TMEM266: variants seen among roughly 807,000 people sequenced by gnomAD.
TMEM266 encodes Hv1 related protein 1.
A neutral mutation model predicts 50.5 loss-of-function variants in TMEM266; 33 were observed. The ratio of observed to expected loss-of-function variants is 0.65; its 90% CI spans 0.50 to 0.87. TMEM266 has a LOEUF of 0.87. Among genes scored for constraint, TMEM266 ranks in the 40% least tolerant of loss-of-function variants. The probability of loss-of-function intolerance (pLI) is 0.00; values close to 1 mark genes in which losing one functional copy is unlikely to be tolerated. For synonymous variants in TMEM266, 310 were observed against 292.3 expected (o/e 1.06, Z -0.62); for missense variants, 655 against 695.1 (o/e 0.94, Z 0.65).
Position 76,204,615 on chromosome 15 carries a change from G to C in TMEM266, c.*300G>C, listed in dbSNP as rs941882501. 4.1e-6 allele frequency: 1 copy of C among 245,072 alleles called. No individual in the cohort carries two copies. Among genetic ancestry groups the C allele is most frequent in the African/African-American group, 2.2e-5 (1 of 44,810 alleles). The allele number at this position is 245,072 out of a possible 1,614,324, so 15.2% of individuals were successfully genotyped here. On this transcript the variant is annotated 3_prime_UTR_variant, in exon 11 of 11. Transcript: ENST00000388942. The stretch of plus-strand genomic sequence containing the variant: ...CCCAGCTTCAGCAGGGTAGAGTGTG[G>C]GGGGGCCAGCTCAGCCTCTTGCGTT...
At chr15:76,106,339 C>T (rs892746299) in intron 1 of TMEM266, among the ~76,000 whole-genome samples, 13 of 152,154 alleles carry the variant, frequency 8.5e-5, no homozygotes, top group African/African-American at 2.9e-4. Context: ...TGATTTCCCC[C>T]ATCCTTTCTA....
intron 1 of TMEM266, among the ~76,000 whole-genome samples, chr15:76,132,960 C>T (rs941350928): frequency 6.6e-6 from 1 of 150,772 alleles, no homozygotes; most frequent in African/African-American, 2.4e-5. Context: ...CATAGCAAAA[C>T]CCCGACTCTA....
intron 10 of TMEM266, 69 bp from the exon 11 acceptor site, chr15:76,203,672 C>T: frequency 6.8e-7 from 1 of 1,477,112 alleles, no homozygotes; most frequent in Non-Finnish European, 9.3e-7. Context: ...CGGCTCAGAC[C>T]TGCTCTCTTC....
chr15:76,102,974 A>G (rs1459074052), intron 1 of TMEM266, among the ~76,000 whole-genome samples: 1 of 151,996 alleles, frequency 6.6e-6, no homozygotes, highest in Non-Finnish European at 1.5e-5. Flanking sequence ...TGCACTGGCC[A>G]GGATAGGAAG....
At chr15:76,091,056 AAAAT>A (rs1214587490) in intron 1 of TMEM266, among the ~76,000 whole-genome samples, 1 of 152,204 alleles carries the variant, frequency 6.6e-6, no homozygotes, top group Non-Finnish European at 1.5e-5. Context: ...ATGTCAACTA[AAAAT>A]AAAAGGGAAA....
Position 76,075,899 on chromosome 15 carries a change from C to CT in TMEM266, c.-97+15883_-97+15884insT, listed in dbSNP as rs2036600944. 1.7e-5 allele frequency among the ~76,000 whole-genome samples: 2 copies of CT among 118,822 alleles called. 1 individual carries two copies. Among genetic ancestry groups the CT allele is most frequent in the Non-Finnish European group, 3.2e-5 (2 of 62,288 alleles). 78.0% of individuals were successfully genotyped at this position (118,822 alleles called of 152,430 possible). ...TGAGACACGGGCTTTTTTTGTGTCC[C>CT]GGGCTGGAGTGCAGTGGCACAATCA... is the stretch of plus-strand genomic sequence containing the variant. On this transcript the variant is annotated intron_variant, in intron 1 of 10. Coordinates refer to ENST00000388942, the MANE Select transcript of TMEM266 (RefSeq NM_152335.3).
chr15:76,066,324 G>A (rs765820649), intron 1 of TMEM266, among the ~76,000 whole-genome samples: 4 of 152,126 alleles, frequency 2.6e-5, no homozygotes, highest in Non-Finnish European at 4.4e-5. Context: ...TTCTTGGAAC[G>A]AGGAGGGATA....
intron 1 of TMEM266, among the ~76,000 whole-genome samples, chr15:76,066,259 C>G (rs1051489665): frequency 1.3e-5 from 2 of 152,114 alleles, no homozygotes; most frequent in East Asian, 3.8e-4. Flanking sequence ...CTCATGTAAG[C>G]TTGATACGGG....
At chr15:76,174,784 C>T (rs963237816) in intron 7 of TMEM266, 1 of 152,254 alleles carries the variant, frequency 6.6e-6, no homozygotes, top group East Asian at 1.9e-4. Flanking sequence ...CGTGGTTTTT[C>T]TCTGCTGGCC....
intron 1 of TMEM266, among the ~76,000 whole-genome samples, chr15:76,084,617 T>C (rs2036746908): frequency 6.6e-6 from 1 of 152,048 alleles, no homozygotes; most frequent in African/African-American, 2.4e-5. Flanking sequence ...TTTTTGTTTT[T>C]TGAGACAGAG....
intron 1 of TMEM266, among the ~76,000 whole-genome samples, chr15:76,090,491 CAAAAAA>C (rs34778511): frequency 1.3e-5 from 1 of 74,360 alleles, no homozygotes; most frequent in African/African-American, 4.6e-5. Context: ...GACTCTGTCT[CAAAAAA>C]AAAAAAAAAA....
At chr15:76,148,200 G>A (rs370876321) in intron 3 of TMEM266, among the ~76,000 whole-genome samples, 1 of 152,322 alleles carries the variant, frequency 6.6e-6, no homozygotes, top group African/African-American at 2.4e-5. Flanking sequence ...GGCAAGGAAA[G>A]TTAGGTGAAT....
In TMEM266 at chr15:76,204,081, C is replaced by G; in HGVS notation, c.1362C>G (p.Ser454=). Residue 454 remains serine, a synonymous_variant, in exon 11 of 11, where the codon TCC becomes TCG. Coordinates refer to ENST00000388942, the MANE Select transcript of TMEM266 (RefSeq NM_152335.3). ...CCCTGTCGGAGGACCCCTGCCCTTC[C>G]CAGAAGGCCTTGGACCCAGCCCCCC... The G allele has an allele frequency of 6.2e-7, 1 of 1,612,716 alleles. No individual in the cohort carries two copies. The highest frequency in any genetic ancestry group is 8.5e-7 in the Non-Finnish European group (1 of 1,179,526).
At chr15:76,071,544 C>T (rs2036539721) in intron 1 of TMEM266, among the ~76,000 whole-genome samples, 2 of 152,100 alleles carry the variant, frequency 1.3e-5, no homozygotes, top group Admixed American at 6.5e-5. Context: ...ATTTGGTGCC[C>T]CTAACTCACA....
chr15:76,179,308 C>T (rs112769891), intron 8 of TMEM266, among the ~76,000 whole-genome samples: 6 of 152,238 alleles, frequency 3.9e-5, no homozygotes, highest in African/African-American at 1.4e-4. Flanking sequence ...GAGATCGTAG[C>T]CTAAAGCCTG....
chr15:76,080,041 T>C (rs1190859845), intron 1 of TMEM266, among the ~76,000 whole-genome samples: 5 of 151,702 alleles, frequency 3.3e-5, no homozygotes, highest in African/African-American at 4.8e-5. Context: ...ACCTTATCTG[T>C]GTCAGCAATG....
At chr15:76,089,581 C>T (rs1436856206) in intron 1 of TMEM266, among the ~76,000 whole-genome samples, 1 of 152,008 alleles carries the variant, frequency 6.6e-6, no homozygotes, top group African/African-American at 2.4e-5. Flanking sequence ...AGATAAATTG[C>T]AAAAGGTTGT....
In TMEM266 at chr15:76,183,571, C is replaced by G. The variant is rs1460583308; in HGVS notation, c.768+7897C>G. 2.0e-5 allele frequency among the ~76,000 whole-genome samples: 3 copies of G among 152,164 alleles called. No homozygotes were observed. The East Asian group carries it at 5.8e-4, about 29-fold the overall frequency. On this transcript the variant is annotated intron_variant, in intron 8 of 10. Transcript: ENST00000388942. ...TTGGCAAGAGTCAGTTGCACAGTACCAACTAGGGGCACCAGATGCTGTCAG... is the reference window on the plus strand; with the variant it reads ...TTGGCAAGAGTCAGTTGCACAGTACGAACTAGGGGCACCAGATGCTGTCAG...
intron 1 of TMEM266, among the ~76,000 whole-genome samples, chr15:76,066,433 A>C (rs1470938184): frequency 2.0e-5 from 3 of 152,214 alleles, no homozygotes; most frequent in African/African-American, 7.2e-5. Flanking sequence ...TAGAATTTTT[A>C]AGAAGTGTTT....
Sources: allele counts gnomAD v4.1 joint callset (sites outside exome capture counted in the v4.1 genomes callset), GRCh38; gene constraint gnomAD v4.1.1; transcripts MANE v1.5; gene names NCBI Gene and HGNC (gene_info 2026-07-23, HGNC 2026-07-21).